Variants in PPP2R3C observed in about 807,000 individuals in gnomAD.
PPP2R3C encodes the protein serine/threonine-protein phosphatase 2A regulatory subunit B'' subunit gamma.
Under a neutral mutation model 63.7 loss-of-function variants are expected in PPP2R3C, and 47 were observed. The observed-to-expected ratio is 0.74, with a 90% CI of 0.58 to 0.94. The LOEUF (loss-of-function observed/expected upper bound fraction) is 0.94. Ranked by LOEUF, PPP2R3C falls within the 40% of genes least tolerant of loss-of-function variation. The pLI, the probability that PPP2R3C is intolerant of heterozygous loss-of-function variation, is 0.00. For synonymous variants in PPP2R3C, 180 were observed against 177.4 expected, an observed-to-expected ratio of 1.01 and a Z score of -0.12; for missense variants, 421 against 518.4, an observed-to-expected ratio of 0.81 and a Z score of 1.82.
intron 4 of PPP2R3C, among the ~76,000 whole-genome samples, chr14:35,108,531 G>A (rs903417521): frequency 2.6e-5 from 4 of 151,656 alleles, no homozygotes; most frequent in Non-Finnish European, 2.9e-5. Flanking sequence ...GTGAAACCCC[G>A]TCTCTAGTAA....
At position 35,099,240 on chromosome 14, in the gene PPP2R3C, A is replaced by G. The variant is rs2046106257; in HGVS notation, c.706+12T>C. On this transcript the variant is annotated intron_variant, in intron 7 of 12. Transcript: ENST00000261475. ...CCTCATAATATCTAAGTTAGATAAG[A>G]TTTTCTTTTACCTGTTCTTAAAGGA... 2.6e-6 allele frequency: 4 copies of G among 1,548,910 alleles called. No homozygotes were observed. The highest frequency in any genetic ancestry group is 3.5e-6 in the Non-Finnish European group (4 of 1,157,078).
intron 5 of PPP2R3C, 114 bp from the exon 6 acceptor site, chr14:35,107,488 C>A: frequency 1.3e-6 from 1 of 792,664 alleles, no homozygotes; most frequent in Non-Finnish European, 2.1e-6. Context: ...AAAAACATTT[C>A]TTCTCACCAC....
intron 2 of PPP2R3C, among the ~76,000 whole-genome samples, chr14:35,111,204 C>G (rs1029453475): frequency 6.9e-6 from 1 of 144,150 alleles, no homozygotes; most frequent in Non-Finnish European, 1.5e-5. Context: ...CACTACACTC[C>G]AGCCTGGCAA....
chr14:35,097,674 G>C (rs939736128), intron 7 of PPP2R3C, among the ~76,000 whole-genome samples: 14 of 152,046 alleles, frequency 9.2e-5, no homozygotes, highest in African/African-American at 2.7e-4. Flanking sequence ...AGTAGAGATG[G>C]GGTTTCACTA....
At chr14:35,097,818 G>T (rs1413013400) in intron 7 of PPP2R3C, among the ~76,000 whole-genome samples, 1 of 151,814 alleles carries the variant, frequency 6.6e-6, no homozygotes, top group Admixed American at 6.6e-5. Flanking sequence ...GGTCTGTCTT[G>T]CCAGGGCTGG....
At position 35,093,170 on chromosome 14, in the gene PPP2R3C, G is replaced by T. The variant is rs147981234; in HGVS notation, c.975+1878C>A. 8.2e-3 allele frequency among the ~76,000 whole-genome samples: 1,240 copies of T among 152,060 alleles called. 11 individuals carry two copies. Among genetic ancestry groups the T allele is most frequent in the African/African-American group, 0.025 (1,057 of 41,464 alleles). ...GGAGCTTGCAGTGAGCCGAGATCGCGCCACTGCACTCCAGCCTGGGCGACA... is the reference window on the plus strand; with the variant it reads ...GGAGCTTGCAGTGAGCCGAGATCGCTCCACTGCACTCCAGCCTGGGCGACA... On this transcript the variant is annotated intron_variant, in intron 10 of 12. Transcript: ENST00000261475.
chr14:35,110,798 T>G lies in PPP2R3C; in HGVS notation c.187-169A>C, dbSNP rs906565977. 5.4e-6 allele frequency: 3 copies of G among 555,632 alleles called. No individual in the cohort carries two copies. The African/African-American group carries it at 5.8e-5, about 11-fold the overall frequency. 34.4% of individuals were successfully genotyped at this position (555,632 alleles called of 1,614,324 possible). A position where few individuals can be genotyped will look rare whatever the true frequency, so the allele number is the denominator to read the frequency against. ...CAAAAACTGATCCACAGAGAATCGG[T>G]GATCAGAAAGGCTGGATCTCTGCCC... On this transcript the variant is annotated intron_variant, in intron 2 of 12. Transcript: ENST00000261475.
Position 35,091,070 on chromosome 14 carries a change from C to T in PPP2R3C, c.1113G>A (p.Arg371=), listed in dbSNP as rs746283346. The change falls in exon 11 of 13, where the codon AGG becomes AGA. Residue 371 remains arginine (R), a splice_region_variant and synonymous_variant. Transcript: ENST00000261475. ...ACTCACTTATGCAAATGAGACTTAC[C>T]CTAAAGAAATAATTAAGTGAAAAGA... ...LNVFSLNYFF[R]AIQELMKIHG... 6 of 1,599,458 alleles carry T rather than the reference C, an allele frequency of 3.8e-6. No homozygotes were observed. In the African/African-American group the frequency reaches 6.7e-5, roughly 18 times the overall value.
At chr14:35,101,424 T>C (rs1238863339) in intron 6 of PPP2R3C, 1 of 152,232 alleles carries the variant, frequency 6.6e-6, no homozygotes, top group Non-Finnish European at 1.5e-5. Flanking sequence ...ACACATCCCA[T>C]TAATAACTGT....
intron 11 of PPP2R3C, among the ~76,000 whole-genome samples, chr14:35,088,617 C>G (rs571846470): frequency 6.6e-6 from 1 of 152,120 alleles, no homozygotes; most frequent in Non-Finnish European, 1.5e-5. Flanking sequence ...ACTTTGTTCC[C>G]GATGCCTACT....
Position 35,110,629 on chromosome 14 carries a change from G to C in PPP2R3C, c.187C>G (p.Leu63Val), listed in dbSNP as rs1189476797. 6.3e-7 allele frequency: 1 copy of C among 1,599,452 alleles called. No homozygotes were observed. The highest frequency in any genetic ancestry group is 1.1e-5 in the South Asian group (1 of 90,052). The change falls in exon 3 of 13, where the codon CTG becomes GTG. Residue 63 changes from leucine to valine, a missense_variant and splice_region_variant. Transcript: ENST00000261475. ...AGTAAGACTTCATCTTCAGCAGGCA[G>C]CTGAAAATACAAGGTAAATTTCTAC... ...YKTIPRFYYR[L>V]PAEDEVLLQK...
intron 6 of PPP2R3C, among the ~76,000 whole-genome samples, chr14:35,105,843 CTG>C (rs2046335875): frequency 6.6e-6 from 1 of 151,888 alleles, no homozygotes; most frequent in Non-Finnish European, 1.5e-5. Context: ...TCCTTGTCTA[CTG>C]TGTCTTTTTT....
chr14:35,090,478 C>A (rs1363586512), intron 11 of PPP2R3C, among the ~76,000 whole-genome samples: 1 of 151,326 alleles, frequency 6.6e-6, no homozygotes, highest in Non-Finnish European at 1.5e-5. Context: ...GCCACTGCAG[C>A]CTGGGCGACA....
chr14:35,109,381 C>T (rs1019418188), intron 4 of PPP2R3C, among the ~76,000 whole-genome samples: 1 of 151,792 alleles, frequency 6.6e-6, no homozygotes, highest in Non-Finnish European at 1.5e-5. Flanking sequence ...TAACTTCATA[C>T]CAATGTGATT....
intron 1 of PPP2R3C, 156 bp downstream of exon 1, chr14:35,121,746 G>C (rs943192537): frequency 2.1e-5 from 17 of 799,092 alleles, no homozygotes; most frequent in African/African-American, 1.0e-4. Flanking sequence ...CAAACCTATC[G>C]GGATCCTTAA....
At chr14:35,110,297 C>T (rs1393187066) in intron 3 of PPP2R3C, 1 of 475,476 alleles carries the variant, frequency 2.1e-6, no homozygotes, top group Non-Finnish European at 3.7e-6. Context: ...CTTGGCTGCA[C>T]ATTAGAATCA....
At chr14:35,093,777 G>A (rs966850465) in intron 10 of PPP2R3C, among the ~76,000 whole-genome samples, 1 of 152,042 alleles carries the variant, frequency 6.6e-6, no homozygotes, top group Non-Finnish European at 1.5e-5. Context: ...TCAGCCTCTG[G>A]AGTAGCTGGG....
Position 35,085,569 on chromosome 14 carries a change from G to A in PPP2R3C, c.*21C>T. ...AGCATTCAAGTATCTCATAATATAA[G>A]ACAGTCTAGTCTTTCAGAGATCATG... On this transcript the variant is annotated 3_prime_UTR_variant, in exon 13 of 13. Coordinates refer to ENST00000261475, the MANE Select transcript of PPP2R3C (RefSeq NM_017917.4). 1 of 1,570,096 alleles carries A rather than the reference G, an allele frequency of 6.4e-7. No homozygotes were observed. The highest frequency in any genetic ancestry group is 8.6e-7 in the Non-Finnish European group (1 of 1,158,276).
At chr14:35,117,116 G>A (rs1386129070) in intron 1 of PPP2R3C, 1 of 455,970 alleles carries the variant, frequency 2.2e-6, no homozygotes, top group Admixed American at 2.3e-5. Context: ...TGAGGGGTGA[G>A]CAAGACAGCC....
Sources: allele counts gnomAD v4.1 joint callset (sites outside exome capture counted in the v4.1 genomes callset), GRCh38; gene constraint gnomAD v4.1.1; transcripts MANE v1.5; gene names NCBI Gene and HGNC (gene_info 2026-07-23, HGNC 2026-07-21).